Variants in WDR64 observed in about 807,000 individuals in gnomAD.
The protein encoded by WDR64 is WD repeat-containing protein 64.
In WDR64, 112 loss-of-function variants were observed where a neutral mutation model predicts 139.3. The observed-to-expected ratio is 0.80, with a 90% CI of 0.69 to 0.94. WDR64 has a LOEUF of 0.94. Among genes scored for constraint, WDR64 ranks in the 40% least tolerant of loss-of-function variants. The pLI is 0.00. For synonymous variants in WDR64, 444 were observed against 437.7 expected (o/e 1.01, Z -0.18); for missense variants, 1,206 against 1,293.1 (o/e 0.93, Z 1.03).
At chr1:241,702,762 A>G (rs1451433142) in intron 8 of WDR64, among the ~76,000 whole-genome samples, 1 of 152,214 alleles carries the variant, frequency 6.6e-6, no homozygotes, top group Admixed American at 6.5e-5. Flanking sequence ...TATGACCCAT[A>G]AAATTGATAT....
At chr1:241,782,615 C>T (rs4658506) in intron 22 of WDR64, among the ~76,000 whole-genome samples, 13,555 of 152,136 alleles carry the variant, frequency 0.089, 799 homozygotes, top group Admixed American at 0.15. Context: ...TCTCCCGAGG[C>T]CCACGAGAGG....
In WDR64 at chr1:241,666,111, C is replaced by A. The variant is rs139067787; in HGVS notation, c.277-4963C>A. Among the ~76,000 whole-genome samples the A allele has an allele frequency of 3.9e-4, 60 of 152,072 alleles. No individual in the cohort carries two copies. The East Asian group carries it at 0.011, about 29-fold the overall frequency. ...GAATCACTTAAAGCATGGAGCAAGA[C>A]TTTTAAATAGCATAGTTAAAATAAA... On this transcript the variant is annotated intron_variant, in intron 2 of 27. Coordinates refer to ENST00000437684, the MANE Select transcript of WDR64 (RefSeq NM_001367482.1).
At position 241,775,111 on chromosome 1, in the gene WDR64, C is replaced by A. The variant is rs1258041522; in HGVS notation, c.2437C>A (p.Leu813Ile). The A allele has an allele frequency of 6.5e-7, 1 of 1,549,970 alleles. No individual in the cohort carries two copies. The highest frequency in any genetic ancestry group is 2.4e-5 in the East Asian group (1 of 40,860). Residue 813 changes from leucine to isoleucine, a missense_variant, in exon 21 of 28, where the codon CTA (leucine) becomes ATA (isoleucine). Physicochemically the swap from Leu to Ile is conservative, Grantham distance 5. Transcript: ENST00000437684. Reference sequence around the variant, plus strand: ...TGCATTATACTTTATTTAGGGAAGACTACTGAAAGATATGCTACCTTTCAC... The same window carrying A: ...TGCATTATACTTTATTTAGGGAAGAATACTGAAAGATATGCTACCTTTCAC... ...HLRLWTLEGR[L>I]LKDMLPFTKH...
At chr1:241,720,899 AT>A in intron 9 of WDR64, among the ~76,000 whole-genome samples, 1 of 151,960 alleles carries the variant, frequency 6.6e-6, no homozygotes, top group East Asian at 1.9e-4. Context: ...TATTGCCTAG[AT>A]TTTCTTCTAG....
Position 241,769,510 on chromosome 1 carries a change from C to A in WDR64, c.2183+5C>A. On this transcript the variant is annotated splice_donor_5th_base_variant and intron_variant, in intron 17 of 27. Transcript: ENST00000437684. Reference sequence around the variant, plus strand: ...TCGTACCCCTGAATGTGCAAGGTAACTCGTTACTTACTGAACCAGTAATAC... The same window carrying A: ...TCGTACCCCTGAATGTGCAAGGTAAATCGTTACTTACTGAACCAGTAATAC... The A allele has an allele frequency of 6.5e-7, 1 of 1,549,544 alleles. No individual in the cohort carries two copies. Among genetic ancestry groups the A allele is most frequent in the Non-Finnish European group, 8.7e-7 (1 of 1,145,398 alleles).
At chr1:241,675,185 TCCTTCCTCCCAACTTCCCTC>T (rs1269826283) in intron 4 of WDR64, among the ~76,000 whole-genome samples, 2 of 41,888 alleles carry the variant, frequency 4.8e-5, no homozygotes, top group African/African-American at 2.2e-4. Context: ...CTTCCTTCTT[TCCTTCCTCCCAACTTCCCTC>T]CCTTCCTCCC....
Position 241,652,375 on chromosome 1 carries a change from A to G in WDR64, c.-110A>G, listed in dbSNP as rs921421560. 8.6e-7 allele frequency: 1 copy of G among 1,163,494 alleles called. No homozygotes were observed. Among genetic ancestry groups the G allele is most frequent in the Non-Finnish European group, 1.2e-6 (1 of 840,602 alleles). The allele number at this position is 1,163,494 out of a possible 1,614,324, so 72.1% of individuals were successfully genotyped here. ...TTTTAAGATCAAAGGAATTAGACCT[A>G]GGGCAAAAACTGAGACAGCAGGGAG... is the stretch of plus-strand genomic sequence containing the variant. On this transcript the variant is annotated 5_prime_UTR_variant, in exon 1 of 28. Coordinates refer to ENST00000437684, the MANE Select transcript of WDR64 (RefSeq NM_001367482.1).
In WDR64 at chr1:241,780,382, T is replaced by G. The variant is rs560991446; in HGVS notation, c.2595+320T>G. Among the ~76,000 whole-genome samples the G allele has an allele frequency of 3.3e-5, 5 of 152,348 alleles. No homozygotes were observed. The East Asian group carries it at 9.6e-4, about 29-fold the overall frequency. ...GATTATACAGTCCTCCACAGTCAGT[T>G]TCTATATCTTATCCTTTATAAGATA... On this transcript the variant is annotated intron_variant, in intron 22 of 27. Transcript: ENST00000437684.
At chr1:241,736,775 T>C (rs1669343197) in intron 10 of WDR64, among the ~76,000 whole-genome samples, 1 of 152,112 alleles carries the variant, frequency 6.6e-6, no homozygotes, top group South Asian at 2.1e-4. Flanking sequence ...CAAAACATAA[T>C]CACATCAATT....
chr1:241,774,497 T>A (rs1377314782), intron 20 of WDR64, among the ~76,000 whole-genome samples: 1 of 152,228 alleles, frequency 6.6e-6, no homozygotes, highest in Non-Finnish European at 1.5e-5. Context: ...ATGTTGATGA[T>A]GTTTATTCTC....
chr1:241,735,533 C>CTCCCTTTTTTTTTTTTTTTTTTTTTTT (rs1553373537), intron 10 of WDR64, among the ~76,000 whole-genome samples: 3 of 103,514 alleles, frequency 2.9e-5, no homozygotes, highest in African/African-American at 1.1e-4. Flanking sequence ...CTCTCTCTCT[C>CTCCCTTTTTTTTTTTTTTTTTTTTTTT]TTTTTTTTTT....
chr1:241,748,479 T>C lies in WDR64; in HGVS notation c.1595-1068T>C, dbSNP rs1669849009. On this transcript the variant is annotated intron_variant, in intron 13 of 27. Transcript: ENST00000437684. ...GGCAGATCCTTGGGGCCCATTTTGTTACTTACTTTTCTTTTTTTGTCTGAG... is the reference window on the plus strand; with the variant it reads ...GGCAGATCCTTGGGGCCCATTTTGTCACTTACTTTTCTTTTTTTGTCTGAG... 5.9e-5 allele frequency among the ~76,000 whole-genome samples: 9 copies of C among 152,288 alleles called. No individual in the cohort carries two copies. In the South Asian group the frequency reaches 1.2e-3, roughly 21 times the overall value.
chr1:241,800,013 T>C (rs756828661), intron 27 of WDR64, among the ~76,000 whole-genome samples: 18 of 152,194 alleles, frequency 1.2e-4, no homozygotes, highest in Non-Finnish European at 1.8e-4. Context: ...CCTAACTTAC[T>C]CTCTGCTGCA....
chr1:241,692,289 T>C (rs1667332326), intron 8 of WDR64, among the ~76,000 whole-genome samples: 1 of 152,186 alleles, frequency 6.6e-6, no homozygotes, highest in African/African-American at 2.4e-5. Context: ...TTGTGAATCT[T>C]GACAAGTTCA....
At chr1:241,797,237 A>G (rs1659393297) in intron 27 of WDR64, among the ~76,000 whole-genome samples, 1 of 152,238 alleles carries the variant, frequency 6.6e-6, no homozygotes, top group African/African-American at 2.4e-5. Context: ...CAAGTGGCTT[A>G]CCAAAGATCA....
intron 27 of WDR64, 22 bp downstream of exon 27, chr1:241,796,392 C>T (rs368712219): frequency 1.1e-5 from 16 of 1,469,574 alleles, no homozygotes; most frequent in African/African-American, 1.4e-5. Flanking sequence ...CTAATTCCAC[C>T]GTTAACTCCA....
At chr1:241,705,267 C>T (rs948254096) in intron 8 of WDR64, among the ~76,000 whole-genome samples, 5 of 152,076 alleles carry the variant, frequency 3.3e-5, no homozygotes, top group African/African-American at 7.2e-5. Context: ...CTTGGCCGGG[C>T]GGGGTGGCTC....
intron 8 of WDR64, among the ~76,000 whole-genome samples, chr1:241,701,961 C>G (rs907664995): frequency 9.9e-5 from 15 of 151,996 alleles, no homozygotes; most frequent in African/African-American, 2.4e-5. Flanking sequence ...CAATAGCTCC[C>G]AAGAAGACAG....
intron 8 of WDR64, among the ~76,000 whole-genome samples, chr1:241,687,804 G>A (rs1667066993): frequency 6.6e-6 from 1 of 152,166 alleles, no homozygotes; most frequent in South Asian, 2.1e-4. Flanking sequence ...AACATCAACT[G>A]TGCCCATTTG....
Sources: gnomAD v4.1 joint callset for allele counts (sites outside exome capture counted in the v4.1 genomes callset) on GRCh38, gnomAD v4.1.1 for gene constraint, MANE v1.5 for transcripts, NCBI Gene and HGNC (gene_info 2026-07-23, HGNC 2026-07-21) for gene names.